Variants in SLC35F4 observed in about 807,000 individuals in gnomAD.
SLC35F4 encodes solute carrier family 35 member F4.
A neutral mutation model predicts 44.2 loss-of-function variants in SLC35F4; 24 were observed. The ratio of observed to expected loss-of-function variants is 0.54; its 90% CI spans 0.39 to 0.76. The LOEUF is 0.76. Ranked by LOEUF, SLC35F4 falls within the 30% of genes least tolerant of loss-of-function variation. The pLI, the probability that SLC35F4 is intolerant of heterozygous loss-of-function variation, is 0.00. For missense variants in SLC35F4, 562 were observed against 586.1 expected, an observed-to-expected ratio of 0.96 and a Z score of 0.42; for synonymous variants, 238 against 223.6, an observed-to-expected ratio of 1.06 and a Z score of -0.57.
At chr14:57,577,813 C>CA (rs1485704494) in intron 4 of SLC35F4, among the ~76,000 whole-genome samples, 1 of 152,050 alleles carries the variant, frequency 6.6e-6, no homozygotes, top group Non-Finnish European at 1.5e-5. Context: ...TTTTTGCAAT[C>CA]AAAAAATTAT....
At chr14:57,706,126 T>A (rs2075669431) in intron 1 of SLC35F4, among the ~76,000 whole-genome samples, 1 of 152,148 alleles carries the variant, frequency 6.6e-6, no homozygotes, top group African/African-American at 2.4e-5. Flanking sequence ...CTCAACAGAG[T>A]GCTTGAATCA....
intron 1 of SLC35F4, among the ~76,000 whole-genome samples, chr14:57,656,374 TATACACACACACACACACACAC>T (rs1256908859): frequency 2.1e-3 from 263 of 125,790 alleles, no homozygotes; most frequent in Middle Eastern, 3.9e-3. Flanking sequence ...TATATATATA[TATACACACACACACACACACAC>T]ACACACACAC....
At chr14:57,579,272 T>C (rs1209643834) in intron 4 of SLC35F4, among the ~76,000 whole-genome samples, 3 of 152,240 alleles carry the variant, frequency 2.0e-5, no homozygotes, top group Admixed American at 2.0e-4. Flanking sequence ...AGATCTTTTT[T>C]GGAGTCACCA....
At chr14:57,712,675 A>G (rs1020136947) in intron 1 of SLC35F4, among the ~76,000 whole-genome samples, 3 of 152,246 alleles carry the variant, frequency 2.0e-5, no homozygotes, top group Admixed American at 2.0e-4. Flanking sequence ...CTGCTTAACA[A>G]ATAGATTTTT....
At chr14:57,944,296 A>C (rs1036905797) in intron 1 of SLC35F4, among the ~76,000 whole-genome samples, 8 of 152,200 alleles carry the variant, frequency 5.3e-5, no homozygotes, top group African/African-American at 1.9e-4. Flanking sequence ...TCCTCTTATA[A>C]GTGACCTTTC....
intron 1 of SLC35F4, among the ~76,000 whole-genome samples, chr14:57,739,979 C>A (rs1371872158): frequency 6.6e-6 from 1 of 152,128 alleles, no homozygotes; most frequent in Non-Finnish European, 1.5e-5. Flanking sequence ...CCTGCCTCAG[C>A]CTCCTGAGTA....
chr14:57,962,861 T>A (rs752890478), intron 1 of SLC35F4, among the ~76,000 whole-genome samples: 3 of 152,234 alleles, frequency 2.0e-5, no homozygotes, highest in Non-Finnish European at 2.9e-5. Flanking sequence ...TCGTTCATTC[T>A]TTTGTTCCTT....
At chr14:57,980,975 G>T (rs1367297754) in intron 1 of SLC35F4, among the ~76,000 whole-genome samples, 1 of 152,040 alleles carries the variant, frequency 6.6e-6, no homozygotes, top group East Asian at 1.9e-4. Context: ...CAAACCAATA[G>T]GGAAGGATTC....
Position 57,970,605 on chromosome 14 carries a change from G to A in SLC35F4, n.282+11308C>T, listed in dbSNP as rs146028728. ...CAAGAAATATATCTCCCAGGATACT[G>A]GAGTGATCCATCCAGCGTTTTATCC... On this transcript the variant is annotated intron_variant and non_coding_transcript_variant, in intron 1 of 1. Transcript: ENST00000556568. Among the ~76,000 whole-genome samples the A allele has an allele frequency of 7.9e-5, 12 of 152,266 alleles. No homozygotes were observed. The East Asian group carries it at 2.3e-3, about 29-fold the overall frequency.
chr14:57,831,775 T>C (rs1356896648), intron 1 of SLC35F4, among the ~76,000 whole-genome samples: 4 of 152,124 alleles, frequency 2.6e-5, no homozygotes, highest in Non-Finnish European at 5.9e-5. Flanking sequence ...AGAAGAAACA[T>C]TAACTTTATC....
chr14:57,905,152 G>A (rs1889082590), intron 1 of SLC35F4, among the ~76,000 whole-genome samples: 1 of 152,130 alleles, frequency 6.6e-6, no homozygotes, highest in Non-Finnish European at 1.5e-5. Context: ...TATTAACTGG[G>A]GCTGGAGGAT....
In SLC35F4 at chr14:57,700,554, A is replaced by T. The variant is rs553551434; in HGVS notation, c.104-106430T>A. ...TTACTTTATAAATTTAAATTAAAAA[A>T]TTTTTGACTCTTTTATAATGCTTAG... On this transcript the variant is annotated intron_variant, in intron 1 of 7. Coordinates refer to ENST00000556826, the MANE Select transcript of SLC35F4 (RefSeq NM_001306087.2). Among the ~76,000 whole-genome samples the T allele has an allele frequency of 3.1e-4, 47 of 152,264 alleles. No individual in the cohort carries two copies. In the South Asian group the frequency reaches 8.1e-3, roughly 26 times the overall value.
At position 57,688,328 on chromosome 14, in the gene SLC35F4, A is replaced by C. The variant is rs562714806; in HGVS notation, c.104-94204T>G. Among the ~76,000 whole-genome samples, 29 of 152,302 alleles carry C rather than the reference A, an allele frequency of 1.9e-4. No homozygotes were observed. The South Asian group carries it at 5.2e-3, about 27-fold the overall frequency. ...TCCTTTGCAAGTAAAATTTGGGATAAATTAGGTTTGATTGCAGCTAAGAGC... is the reference window on the plus strand; with the variant it reads ...TCCTTTGCAAGTAAAATTTGGGATACATTAGGTTTGATTGCAGCTAAGAGC... On this transcript the variant is annotated intron_variant, in intron 1 of 7. Transcript: ENST00000556826.
At chr14:57,628,860 T>G (rs528126534) in intron 1 of SLC35F4, among the ~76,000 whole-genome samples, 1 of 152,256 alleles carries the variant, frequency 6.6e-6, no homozygotes, top group Non-Finnish European at 1.5e-5. Context: ...AAAGTGATTT[T>G]CATTTCAAAA....
At chr14:57,589,159 CAT>C in intron 3 of SLC35F4, 55 bp downstream of exon 3, 1 of 1,508,388 alleles carries the variant, frequency 6.6e-7, no homozygotes, top group East Asian at 2.3e-5. Flanking sequence ...TAAAAATAGG[CAT>C]ATTTTCATAA....
intron 1 of SLC35F4, among the ~76,000 whole-genome samples, chr14:57,619,003 T>G (rs1379427551): frequency 6.6e-6 from 1 of 152,042 alleles, no homozygotes; most frequent in Admixed American, 6.6e-5. Context: ...TCCTCCTCTC[T>G]GGGCAGGGCA....
intron 1 of SLC35F4, among the ~76,000 whole-genome samples, chr14:57,912,519 T>G (rs1889234133): frequency 6.6e-6 from 1 of 152,084 alleles, no homozygotes; most frequent in Non-Finnish European, 1.5e-5. Context: ...AGATTTTGCC[T>G]TTGACCCATG....
rs77876520 is a variant in SLC35F4, at chr14:57,581,567, C to T, written c.588-134G>A. 1.4e-3 allele frequency: 1,113 copies of T among 798,154 alleles called. 8 individuals are homozygous for T. The African/African-American group carries it at 0.017, about 12-fold the overall frequency. The allele number at this position is 798,154 out of a possible 1,614,324, so 49.4% of individuals were successfully genotyped here. ...TCCTTCATTGTGAAGTATACTGAAC[C>T]CAGTTCTGAAATCTGCGGGCTTCAG... On this transcript the variant is annotated intron_variant, in intron 3 of 7. Coordinates refer to ENST00000556826, the MANE Select transcript of SLC35F4 (RefSeq NM_001306087.2).
chr14:57,977,487 G>C (rs1046305749), intron 1 of SLC35F4, among the ~76,000 whole-genome samples: 1 of 152,106 alleles, frequency 6.6e-6, no homozygotes. Flanking sequence ...AGAGCTACTG[G>C]GAACTGATAG....
Sources: gnomAD v4.1 joint callset for allele counts (sites outside exome capture counted in the v4.1 genomes callset) on GRCh38, gnomAD v4.1.1 for gene constraint, MANE v1.5 for transcripts, NCBI Gene and HGNC (gene_info 2026-07-23, HGNC 2026-07-21) for gene names.